ADAD1: variants seen among roughly 807,000 people sequenced by gnomAD.
ADAD1 encodes the protein adenosine deaminase domain-containing protein 1.
Under a neutral mutation model 66.8 loss-of-function variants are expected in ADAD1, and 46 were observed. The ratio of observed to expected loss-of-function variants is 0.69; its 90% CI spans 0.54 to 0.88. The LOEUF (loss-of-function observed/expected upper bound fraction) is 0.88. ADAD1 is among the 40% of genes least tolerant of loss of function. ADAD1 has a pLI of 0.00. For synonymous variants in ADAD1, 248 were observed against 229.4 expected, an observed-to-expected ratio of 1.08 and a Z score of -0.73; for missense variants, 617 against 681.8, an observed-to-expected ratio of 0.91 and a Z score of 1.06.
In ADAD1 at chr4:122,417,334, CT is replaced by C. The variant is rs1039850986; in HGVS notation, c.1487+1721del. Among the ~76,000 whole-genome samples the C allele has an allele frequency of 1.7e-3, 200 of 116,292 alleles. 1 individual carries two copies. Among genetic ancestry groups the C allele is most frequent in the African/African-American group, 6.6e-3 (189 of 28,832 alleles). The allele number at this position is 116,292 out of a possible 152,430, so 76.3% of individuals were successfully genotyped here. A position where few individuals can be genotyped will look rare whatever the true frequency, so the allele number is the denominator to read the frequency against. On this transcript the variant is annotated intron_variant, in intron 11 of 12. Coordinates refer to ENST00000296513, the MANE Select transcript of ADAD1 (RefSeq NM_139243.4). ...CCTGAGCAACAAAGTGAGCCTCCAT[CT>C]TTAAAAAAAAAAAAAAAAAAAGCCA... is the stretch of plus-strand genomic sequence containing the variant.
rs548973911 is a variant in ADAD1, at chr4:122,387,873, C to T, written c.529+3907C>T. Among the ~76,000 whole-genome samples, 95 of 151,936 alleles carry T rather than the reference C, an allele frequency of 6.3e-4. 1 individual carries two copies. In the South Asian group the frequency reaches 0.018, roughly 29 times the overall value. ...CTCCTGGGTTCATGCCATTCTCCTG[C>T]CTGAGCCTCCCGAGTAGCTGGGACT... On this transcript the variant is annotated intron_variant, in intron 5 of 12. Coordinates refer to ENST00000296513, the MANE Select transcript of ADAD1 (RefSeq NM_139243.4).
At chr4:122,382,159 G>A (rs1794929977) in intron 4 of ADAD1, among the ~76,000 whole-genome samples, 1 of 152,202 alleles carries the variant, frequency 6.6e-6, no homozygotes, top group Admixed American at 6.5e-5. Flanking sequence ...CTTGGAAAAT[G>A]TAAACTGTTG....
At chr4:122,396,683 TAAG>T (rs1312134947) in intron 7 of ADAD1, among the ~76,000 whole-genome samples, 1 of 152,230 alleles carries the variant, frequency 6.6e-6, no homozygotes, top group East Asian at 1.9e-4. Context: ...CATTTTCAAG[TAAG>T]AAAAGATTGA....
intron 8 of ADAD1, among the ~76,000 whole-genome samples, chr4:122,410,954 T>C (rs183690964): frequency 2.0e-5 from 3 of 152,158 alleles, no homozygotes; most frequent in Admixed American, 2.0e-4. Flanking sequence ...AAGATGATAG[T>C]TGGGAGACTC....
chr4:122,401,196 G>A (rs1795961992), intron 7 of ADAD1, among the ~76,000 whole-genome samples: 1 of 151,984 alleles, frequency 6.6e-6, no homozygotes, highest in Non-Finnish European at 1.5e-5. Flanking sequence ...TTGATAGATT[G>A]TGTCACAATT....
intron 9 of ADAD1, among the ~76,000 whole-genome samples, chr4:122,411,861 T>TA (rs1560597918): frequency 6.6e-6 from 1 of 152,178 alleles, no homozygotes; most frequent in South Asian, 2.1e-4. Context: ...TGCTATGCTT[T>TA]AAAAAAATCT....
At chr4:122,384,858 C>G (rs1196846406) in intron 5 of ADAD1, among the ~76,000 whole-genome samples, 1 of 152,174 alleles carries the variant, frequency 6.6e-6, no homozygotes, top group Non-Finnish European at 1.5e-5. Flanking sequence ...AAAACTAAGG[C>G]AGCATTTACC....
chr4:122,417,694 T>C (rs1010096232), intron 11 of ADAD1, among the ~76,000 whole-genome samples: 3 of 152,184 alleles, frequency 2.0e-5, no homozygotes, highest in Admixed American at 6.5e-5. Context: ...CATAAAAATA[T>C]AAAATGTACC....
intron 11 of ADAD1, among the ~76,000 whole-genome samples, chr4:122,417,337 TAAAAAAAAA>T (rs78147212): frequency 1.1e-5 from 1 of 94,060 alleles, no homozygotes; most frequent in African/African-American, 3.8e-5. Flanking sequence ...CCTCCATCTT[TAAAAAAAAA>T]AAAAAAAAAA....
intron 7 of ADAD1, among the ~76,000 whole-genome samples, chr4:122,397,377 T>C (rs762220210): frequency 6.6e-6 from 1 of 152,206 alleles, no homozygotes; most frequent in African/African-American, 2.4e-5. Flanking sequence ...GGGCAAATTA[T>C]ATACTTAACG....
chr4:122,408,077 G>A, intron 8 of ADAD1, 46 bp downstream of exon 8: 1 of 1,549,038 alleles, frequency 6.5e-7, no homozygotes, highest in South Asian at 1.2e-5. Context: ...AATGCCCTCA[G>A]CCCAAAGTAA....
chr4:122,428,057 A>C (rs1026213858), intron 12 of ADAD1, among the ~76,000 whole-genome samples: 3 of 147,640 alleles, frequency 2.0e-5, no homozygotes, highest in African/African-American at 7.7e-5. Context: ...ATAGTGCTGA[A>C]ATGGTGGGAT....
At chr4:122,380,469 C>G (rs1437069991) in intron 3 of ADAD1, 3 of 521,664 alleles carry the variant, frequency 5.8e-6, no homozygotes, top group Admixed American at 3.8e-5. Context: ...TCAAACCCCC[C>G]CCTTCAAGTG....
At chr4:122,415,722 A>G in intron 11 of ADAD1, 106 bp downstream of exon 11, 3 of 965,304 alleles carry the variant, frequency 3.1e-6, no homozygotes, top group Non-Finnish European at 4.6e-6. Context: ...TGAACTCTGA[A>G]CAATAATTAT....
At chr4:122,421,617 A>G (rs1280241480) in intron 12 of ADAD1, among the ~76,000 whole-genome samples, 1 of 152,186 alleles carries the variant, frequency 6.6e-6, no homozygotes, top group African/African-American at 2.4e-5. Context: ...ACTTATTTTG[A>G]CAGTGTAGGT....
intron 2 of ADAD1, chr4:122,379,825 C>T (rs1794793877): frequency 7.2e-6 from 3 of 415,622 alleles, no homozygotes; most frequent in Admixed American, 4.0e-5. Flanking sequence ...TCTCTCTGTT[C>T]CTTCTTTCCT....
At chr4:122,389,144 A>G (rs888794132) in intron 5 of ADAD1, among the ~76,000 whole-genome samples, 1 of 152,202 alleles carries the variant, frequency 6.6e-6, no homozygotes, top group African/African-American at 2.4e-5. Flanking sequence ...ATTCAGGAAC[A>G]GTTGTTCAAT....
At chr4:122,385,638 T>C (rs573868948) in intron 5 of ADAD1, among the ~76,000 whole-genome samples, 74 of 152,302 alleles carry the variant, frequency 4.9e-4, no homozygotes, top group African/African-American at 1.7e-3. Context: ...TACATAGGTA[T>C]ACATGTGCCA....
In ADAD1 at chr4:122,407,947, A is replaced by G; in HGVS notation, c.764A>G (p.Tyr255Cys). ...GTTGTAGCTATAGGCACAGGTGAAT[A>G]CAATTACAGCCAGGACATTAAGCCA... ...HEVVAIGTGE[Y>C]NYSQDIKPDG... The change falls in exon 8 of 13, where the codon TAC (tyrosine) becomes TGC (cysteine). Residue 255 changes from tyrosine to cysteine, a missense_variant. Physicochemically the swap from Tyr to Cys is radical, Grantham distance 194. Transcript: ENST00000296513. 6.2e-7 allele frequency: 1 copy of G among 1,613,844 alleles called. No homozygotes were observed. The highest frequency in any genetic ancestry group is 1.1e-5 in the South Asian group (1 of 91,076).
Sources: gnomAD v4.1 joint callset for allele counts (sites outside exome capture counted in the v4.1 genomes callset) on GRCh38, gnomAD v4.1.1 for gene constraint, MANE v1.5 for transcripts, NCBI Gene and HGNC (gene_info 2026-07-23, HGNC 2026-07-21) for gene names.